The following PLXNA4 variants were observed in gnomAD, a reference collection of about 807,000 sequenced individuals.
PLXNA4 encodes the protein plexin-A4.
A neutral mutation model predicts 191.8 loss-of-function variants in PLXNA4; 44 were observed. The observed-to-expected ratio is 0.23, with a 90% CI of 0.18 to 0.29. The LOEUF (loss-of-function observed/expected upper bound fraction) is 0.29, where lower values mean the gene tolerates loss of function less well. Among genes scored for constraint, PLXNA4 ranks in the 10% least tolerant of loss-of-function variants. PLXNA4 has a pLI of 1.00. For synonymous variants in PLXNA4, 1,082 were observed against 1,009.5 expected (o/e 1.07, Z -1.36); for missense variants, 1,800 against 2,488.8 (o/e 0.72, Z 5.89).
chr7:132,143,247 GTCAGGGTTGGGGGAAAGTGTCC>G (rs1394130990), intron 29 of PLXNA4, among the ~76,000 whole-genome samples: 2 of 152,076 alleles, frequency 1.3e-5, no homozygotes, highest in African/African-American at 4.8e-5. Context: ...AATAGATCAA[GTCAGGGTTGGGGGAAAGTGTCC>G]TCAGGGTTGG....
chr7:132,147,495 A>ACCTG (rs1376771665), intron 27 of PLXNA4, among the ~76,000 whole-genome samples: 2 of 152,112 alleles, frequency 1.3e-5, no homozygotes, highest in African/African-American at 4.8e-5. Flanking sequence ...CCTGGTCTGT[A>ACCTG]CCTGCACTCC....
intron 3 of PLXNA4, among the ~76,000 whole-genome samples, chr7:132,338,520 A>G (rs1051659071): frequency 1.3e-5 from 2 of 152,224 alleles, no homozygotes; most frequent in Non-Finnish European, 2.9e-5. Context: ...TTCAGGACAA[A>G]TTGTCTCAAA....
chr7:132,644,754 C>T (rs942390076), intron 2 of PLXNA4, among the ~76,000 whole-genome samples: 4 of 152,010 alleles, frequency 2.6e-5, no homozygotes, highest in Non-Finnish European at 4.4e-5. Flanking sequence ...ATGTGCATGC[C>T]CCGTCCAAAA....
intron 2 of PLXNA4, among the ~76,000 whole-genome samples, chr7:132,507,279 T>C (rs922396851): frequency 6.6e-6 from 1 of 152,156 alleles, no homozygotes; most frequent in African/African-American, 2.4e-5. Flanking sequence ...AAAAGTACAC[T>C]GATGGGAATT....
At chr7:132,436,253 T>C (rs966851922) in intron 3 of PLXNA4, among the ~76,000 whole-genome samples, 1 of 152,220 alleles carries the variant, frequency 6.6e-6, no homozygotes, top group African/African-American at 2.4e-5. Context: ...ACATATGACA[T>C]GCTGCACACT....
chr7:132,525,387 C>A (rs1375963256), intron 1 of PLXNA4, among the ~76,000 whole-genome samples: 1 of 151,940 alleles, frequency 6.6e-6, no homozygotes, highest in East Asian at 1.9e-4. Flanking sequence ...GTAGCTGGGA[C>A]AGCATGCACA....
chr7:132,464,364 T>C (rs528198332), intron 3 of PLXNA4, among the ~76,000 whole-genome samples: 2 of 152,244 alleles, frequency 1.3e-5, no homozygotes, highest in South Asian at 2.1e-4. Context: ...AGAAGGCCCC[T>C]GTGGCATGGC....
At chr7:132,540,644 G>C (rs1198019783) in intron 1 of PLXNA4, among the ~76,000 whole-genome samples, 2 of 131,950 alleles carry the variant, frequency 1.5e-5, no homozygotes, top group Admixed American at 1.8e-4. Flanking sequence ...GCGGACTGCA[G>C]TGGCGCAATC....
At chr7:132,190,303 C>G (rs1432436757) in intron 14 of PLXNA4, among the ~76,000 whole-genome samples, 1 of 152,256 alleles carries the variant, frequency 6.6e-6, no homozygotes, top group African/African-American at 2.4e-5. Context: ...AACAATCACA[C>G]AGCCAAGACT....
chr7:132,132,551 T>TA (rs1794998253), intron 31 of PLXNA4, among the ~76,000 whole-genome samples: 1 of 147,932 alleles, frequency 6.8e-6, no homozygotes. Context: ...TATTCTATTC[T>TA]ATTCTATTCT....
chr7:132,345,903 C>T (rs770630757), intron 3 of PLXNA4, among the ~76,000 whole-genome samples: 2 of 152,220 alleles, frequency 1.3e-5, no homozygotes, highest in African/African-American at 4.8e-5. Flanking sequence ...CCCTTCTCCT[C>T]TACTGTTTCT....
At chr7:132,326,721 C>T (rs1441494803) in intron 3 of PLXNA4, among the ~76,000 whole-genome samples, 2 of 152,218 alleles carry the variant, frequency 1.3e-5, no homozygotes, top group African/African-American at 4.8e-5. Flanking sequence ...TGTGCCCTCA[C>T]CCAGTGTTAT....
intron 3 of PLXNA4, among the ~76,000 whole-genome samples, chr7:132,327,679 T>A (rs1802427491): frequency 6.6e-6 from 1 of 152,198 alleles, no homozygotes; most frequent in African/African-American, 2.4e-5. Flanking sequence ...GAAGGTCACA[T>A]CTGGATCCCG....
At chr7:132,441,382 C>G (rs277491) in intron 3 of PLXNA4, among the ~76,000 whole-genome samples, 135,586 of 152,280 alleles carry the variant, frequency 0.89, 60,764 homozygotes, top group East Asian at 1. Flanking sequence ...CTCAGATCAT[C>G]GTGAGTTCTT....
intron 4 of PLXNA4, among the ~76,000 whole-genome samples, chr7:132,297,333 G>A (rs1249477121): frequency 6.6e-6 from 1 of 152,168 alleles, no homozygotes; most frequent in African/African-American, 2.4e-5. Context: ...GCTGTGTGTT[G>A]TGGGGTGGAG....
chr7:132,352,945 T>C (rs535874547), intron 3 of PLXNA4, among the ~76,000 whole-genome samples: 68 of 152,272 alleles, frequency 4.5e-4, no homozygotes, highest in Admixed American at 2.3e-3. Context: ...CAGAGACAAG[T>C]ATGTATGAAA....
intron 31 of PLXNA4, among the ~76,000 whole-genome samples, chr7:132,132,430 CTGTTCTGTTCTGTTCTGTTCTGTTCTGT>C (rs1794967965): frequency 1.3e-5 from 1 of 76,328 alleles, no homozygotes; most frequent in African/African-American, 4.8e-5. Context: ...CTGTTCTGTT[CTGTTCTGTTCTGTTCTGTTCTGTTCTGT>C]TCTGTTCTGC....
chr7:132,209,894 CACTT>C (rs1232305342), intron 10 of PLXNA4, among the ~76,000 whole-genome samples: 1 of 152,192 alleles, frequency 6.6e-6, no homozygotes, highest in Non-Finnish European at 1.5e-5. Flanking sequence ...TTGAGCAAGT[CACTT>C]ACCTTCTGGC....
At chr7:132,333,210 C>T (rs1802664756) in intron 3 of PLXNA4, among the ~76,000 whole-genome samples, 1 of 152,150 alleles carries the variant, frequency 6.6e-6, no homozygotes. Context: ...AGCGGCCATC[C>T]CTGTGTGTGG....
Sources: allele counts gnomAD v4.1 joint callset (sites outside exome capture counted in the v4.1 genomes callset), GRCh38; gene constraint gnomAD v4.1.1; transcripts MANE v1.5; gene names NCBI Gene and HGNC (gene_info 2026-07-23, HGNC 2026-07-21).